Variants in AUTS2 observed in about 807,000 individuals in gnomAD.
AUTS2 encodes the protein activator of transcription and developmental regulator AUTS2, also known as autism susceptibility gene 2 protein.
AUTS2 carries 17 observed loss-of-function variants against 112.4 expected under a neutral mutation model. That is an observed-to-expected ratio of 0.15 (90% CI 0.10 to 0.23). AUTS2 has a LOEUF of 0.23. Ranked by LOEUF, AUTS2 falls within the 10% of genes least tolerant of loss-of-function variation. The pLI, the probability that AUTS2 is intolerant of heterozygous loss-of-function variation, is 1.00. For missense variants in AUTS2, 1,510 were observed against 1,701.6 expected (o/e 0.89, Z 1.98); for synonymous variants, 751 against 702.7 (o/e 1.07, Z -1.09).
At chr7:70,134,679 T>C (rs1806457959) in intron 4 of AUTS2, 108 bp downstream of exon 4, 22 of 1,025,694 alleles carry the variant, frequency 2.1e-5, no homozygotes, top group Admixed American at 3.6e-5. Flanking sequence ...TCTCTCTCAG[T>C]CCTAAAGAGC....
At chr7:70,256,985 A>G (rs1786908510) in intron 4 of AUTS2, among the ~76,000 whole-genome samples, 1 of 152,158 alleles carries the variant, frequency 6.6e-6, no homozygotes, top group African/African-American at 2.4e-5. Flanking sequence ...TATAATGGGT[A>G]GTCCTTTCCT....
chr7:69,926,441 GTCTGTCTATCTATCTATCTATCTA>G (rs1172710202), intron 2 of AUTS2, among the ~76,000 whole-genome samples: 29 of 140,272 alleles, frequency 2.1e-4, no homozygotes, highest in South Asian at 4.6e-4. Flanking sequence ...CTGTCTGTCT[GTCTGTCTATCTATCTATCTATCTA>G]TCTATCTATC....
At chr7:70,258,397 T>G (rs1294573360) in intron 4 of AUTS2, among the ~76,000 whole-genome samples, 1 of 152,242 alleles carries the variant, frequency 6.6e-6, no homozygotes, top group Admixed American at 6.5e-5. Context: ...CTGTTTTCTG[T>G]GAACAGTGTT....
intron 1 of AUTS2, among the ~76,000 whole-genome samples, chr7:69,721,662 A>C (rs1798950882): frequency 6.6e-6 from 1 of 152,222 alleles, no homozygotes; most frequent in Admixed American, 6.5e-5. Flanking sequence ...AGTTATAGTA[A>C]GTATAACAGC....
chr7:69,961,521 A>T (rs915231098), intron 2 of AUTS2, among the ~76,000 whole-genome samples: 14 of 152,134 alleles, frequency 9.2e-5, no homozygotes, highest in African/African-American at 3.4e-4. Flanking sequence ...ATATTCTGAT[A>T]ATTTCCTTTG....
At chr7:69,655,446 A>T (rs1436802088) in intron 1 of AUTS2, among the ~76,000 whole-genome samples, 1 of 152,246 alleles carries the variant, frequency 6.6e-6, no homozygotes, top group Non-Finnish European at 1.5e-5. Flanking sequence ...TATGGTCCCC[A>T]GTCCAGAAGT....
chr7:69,720,821 A>T (rs554505334), intron 1 of AUTS2, among the ~76,000 whole-genome samples: 26 of 152,290 alleles, frequency 1.7e-4, no homozygotes, highest in African/African-American at 5.8e-4. Flanking sequence ...ATTTACTAGG[A>T]TCTCTTGGGA....
intron 5 of AUTS2, among the ~76,000 whole-genome samples, chr7:70,518,847 G>T (rs1433990708): frequency 1.3e-5 from 2 of 151,986 alleles, no homozygotes; most frequent in African/African-American, 4.8e-5. Flanking sequence ...GGCATTACAG[G>T]TGCACACCAC....
At chr7:69,751,552 A>AGAAG (rs1249303355) in intron 1 of AUTS2, among the ~76,000 whole-genome samples, 2 of 152,172 alleles carry the variant, frequency 1.3e-5, no homozygotes, top group Non-Finnish European at 2.9e-5. Context: ...GTGGAAGGTA[A>AGAAG]GAAGGGTAGA....
At chr7:69,851,628 A>G (rs974676071) in intron 1 of AUTS2, among the ~76,000 whole-genome samples, 21 of 152,192 alleles carry the variant, frequency 1.4e-4, no homozygotes, top group Admixed American at 3.3e-4. Flanking sequence ...TGAACACTAT[A>G]TGCCTTTCCT....
At chr7:69,690,945 C>G (rs147839923) in intron 1 of AUTS2, among the ~76,000 whole-genome samples, 2 of 152,266 alleles carry the variant, frequency 1.3e-5, no homozygotes, top group Non-Finnish European at 2.9e-5. Context: ...AAGTGGGTAG[C>G]TCCCTTCCAC....
intron 2 of AUTS2, among the ~76,000 whole-genome samples, chr7:69,986,991 C>T (rs992896352): frequency 2.0e-5 from 3 of 152,142 alleles, no homozygotes; most frequent in African/African-American, 7.2e-5. Context: ...TGGAGTTAAG[C>T]TTTGCAGAGC....
At position 70,791,973 on chromosome 7, in the gene AUTS2, G is replaced by C. The variant is rs1014830057; in HGVS notation, c.*977G>C. 2.0e-5 allele frequency: 3 copies of C among 152,584 alleles called. No individual in the cohort carries two copies. The highest frequency in any genetic ancestry group is 4.4e-5 in the Non-Finnish European group (3 of 68,040). 9.5% of individuals were successfully genotyped at this position (152,584 alleles called of 1,614,324 possible). On this transcript the variant is annotated 3_prime_UTR_variant, in exon 19 of 19. Coordinates refer to ENST00000342771, the MANE Select transcript of AUTS2 (RefSeq NM_015570.4). ...GTGACTTCACACACACCTCATGTGA[G>C]AACCATGCCTTTTTTAGTGTGTCCT... is the stretch of plus-strand genomic sequence containing the variant.
intron 5 of AUTS2, among the ~76,000 whole-genome samples, chr7:70,672,345 T>C (rs1473908542): frequency 1.3e-5 from 2 of 152,168 alleles, no homozygotes; most frequent in East Asian, 1.9e-4. Flanking sequence ...GAAGGCAATA[T>C]TACTTGAGAA....
At chr7:70,524,629 A>C (rs1006161876) in intron 5 of AUTS2, among the ~76,000 whole-genome samples, 6 of 152,174 alleles carry the variant, frequency 3.9e-5, no homozygotes, top group African/African-American at 1.4e-4. Context: ...TGTCCTGTGA[A>C]AGTCAACCCA....
chr7:70,338,833 C>CTTTGT, intron 4 of AUTS2, among the ~76,000 whole-genome samples: 1 of 141,080 alleles, frequency 7.1e-6, no homozygotes, highest in South Asian at 2.3e-4. Flanking sequence ...AGCCTCATCT[C>CTTTGT]TTATTTATTT....
intron 1 of AUTS2, among the ~76,000 whole-genome samples, chr7:69,896,551 C>T (rs1388529849): frequency 1.3e-5 from 2 of 151,660 alleles, no homozygotes; most frequent in Non-Finnish European, 2.9e-5. Context: ...TCCTTGGTTT[C>T]CTGCTTCTAT....
At chr7:69,678,765 T>C (rs536531401) in intron 1 of AUTS2, among the ~76,000 whole-genome samples, 33 of 152,364 alleles carry the variant, frequency 2.2e-4, no homozygotes, top group Non-Finnish European at 3.7e-4. Context: ...GAGCCATTCA[T>C]GGAGACAGAT....
intron 4 of AUTS2, among the ~76,000 whole-genome samples, chr7:70,300,905 T>G (rs1002279465): frequency 1.3e-5 from 2 of 152,176 alleles, no homozygotes; most frequent in Non-Finnish European, 2.9e-5. Context: ...AAGGGCACAT[T>G]TAATCATCTG....
Sources: allele counts gnomAD v4.1 joint callset (sites outside exome capture counted in the v4.1 genomes callset), GRCh38; gene constraint gnomAD v4.1.1; transcripts MANE v1.5; gene names NCBI Gene and HGNC (gene_info 2026-07-23, HGNC 2026-07-21).